The following TDP1 variants were observed in gnomAD, a reference collection of about 807,000 sequenced individuals.
The protein encoded by TDP1 is tyr-DNA phosphodiesterase 1.
TDP1 carries 64 observed loss-of-function variants against 81.5 expected under a neutral mutation model. The ratio of observed to expected loss-of-function variants is 0.79; its 90% CI spans 0.64 to 0.97. The LOEUF (loss-of-function observed/expected upper bound fraction) is 0.97, where lower values mean the gene tolerates loss of function less well. Among genes scored for constraint, TDP1 ranks in the 50% least tolerant of loss-of-function variants. The probability of loss-of-function intolerance (pLI) is 0.00; values close to 1 mark genes in which losing one functional copy is unlikely to be tolerated. For missense variants in TDP1, 723 were observed against 743.8 expected (o/e 0.97, Z 0.33); for synonymous variants, 256 against 264.3 (o/e 0.97, Z 0.30).
intron 8 of TDP1, among the ~76,000 whole-genome samples, chr14:89,982,769 T>G (rs1895131194): frequency 6.6e-6 from 1 of 152,222 alleles, no homozygotes; most frequent in Admixed American, 6.5e-5. Flanking sequence ...CATCCTGGTG[T>G]GGGATCCTAT....
At chr14:90,000,534 G>A (rs567928826) in intron 14 of TDP1, among the ~76,000 whole-genome samples, 99 of 152,128 alleles carry the variant, frequency 6.5e-4, no homozygotes, top group African/African-American at 2.1e-3. Flanking sequence ...ACAGGCATGC[G>A]CCACCAGACC....
intron 11 of TDP1, chr14:89,989,408 G>A (rs1895938682): frequency 1.0e-6 from 1 of 984,760 alleles, no homozygotes; most frequent in Admixed American, 6.1e-5. Context: ...ATGTAGCACA[G>A]CCAGCAGAAT....
chr14:89,988,918 A>G lies in TDP1; in HGVS notation c.1145A>G (p.His382Arg). The G allele has an allele frequency of 6.2e-7, 1 of 1,614,172 alleles. No individual in the cohort carries two copies. Among genetic ancestry groups the G allele is most frequent in the Middle Eastern group, 1.6e-4 (1 of 6,062 alleles). ...HFRLKKLLKD[H>R]ASSMPNAESW... The stretch of plus-strand genomic sequence containing the variant: ...ATTCTTTCCCAGCTTCTGAAAGACC[A>G]TGCCTCATCCATGCCTAACGCAGAG... The change falls in exon 11 of 17, where the codon CAT becomes CGT. Residue 382 changes from histidine (H) to arginine (R), a missense_variant. Coordinates refer to ENST00000335725, the MANE Select transcript of TDP1 (RefSeq NM_018319.4).
At chr14:89,995,255 T>C (rs1374745308) in intron 14 of TDP1, among the ~76,000 whole-genome samples, 1 of 152,196 alleles carries the variant, frequency 6.6e-6, no homozygotes, top group African/African-American at 2.4e-5. Context: ...TGAGCAATCA[T>C]GTGTATTTAC....
chr14:90,031,972 C>T (rs1887332261), intron 15 of TDP1, among the ~76,000 whole-genome samples: 1 of 152,124 alleles, frequency 6.6e-6, no homozygotes, highest in Non-Finnish European at 1.5e-5. Context: ...TTTTATTTTA[C>T]TTTTATAGAT....
chr14:90,042,385 A>G (rs1233628295), intron 16 of TDP1, among the ~76,000 whole-genome samples: 1 of 152,174 alleles, frequency 6.6e-6, no homozygotes, highest in Non-Finnish European at 1.5e-5. Context: ...TGACAGCTCC[A>G]CAACATAGGT....
chr14:89,956,423 G>C (rs1187884553), intron 1 of TDP1, 155 bp from the exon 2 acceptor site: 2 of 152,356 alleles, frequency 1.3e-5, no homozygotes, highest in Admixed American at 6.5e-5. Flanking sequence ...TACACTTGGT[G>C]AGGCGCTTCG....
At position 89,986,383 on chromosome 14, in the gene TDP1, T is replaced by G. The variant is rs1485821037; in HGVS notation, c.1131+1173T>G. Among the ~76,000 whole-genome samples the G allele has an allele frequency of 3.3e-5, 5 of 152,300 alleles. No individual in the cohort carries two copies. The East Asian group carries it at 9.7e-4, about 29-fold the overall frequency. On this transcript the variant is annotated intron_variant, in intron 10 of 16. Coordinates refer to ENST00000335725, the MANE Select transcript of TDP1 (RefSeq NM_018319.4). ...TAATAGTACTTCCCTCCCGTGATTGTGAGGATTAAATGAAATGATGAATGT... is the reference window on the plus strand; with the variant it reads ...TAATAGTACTTCCCTCCCGTGATTGGGAGGATTAAATGAAATGATGAATGT...
chr14:90,022,991 C>T (rs1307641744), intron 15 of TDP1: 2 of 752,456 alleles, frequency 2.7e-6, no homozygotes, highest in Non-Finnish European at 4.9e-6. Flanking sequence ...CCTCCATACT[C>T]ACTTCAGTCC....
intron 3 of TDP1, 181 bp from the exon 4 acceptor site, chr14:89,965,966 C>T (rs1566847262): frequency 2.7e-6 from 2 of 750,400 alleles, no homozygotes; most frequent in Non-Finnish European, 3.2e-6. Flanking sequence ...ATATTAAATA[C>T]CATAGGGAAA....
chr14:89,989,726 T>C lies in TDP1; in HGVS notation c.1327T>C (p.Ser443Pro). 6.2e-7 allele frequency: 1 copy of C among 1,610,712 alleles called. No homozygotes were observed. Among genetic ancestry groups the C allele is most frequent in the Non-Finnish European group, 8.5e-7 (1 of 1,177,030 alleles). The part of the protein sequence containing the change: ...SSVPLYLIYP[S>P]VENVRTSLEG... ...TTCCTCTTATTTTTAGATCTATCCT[T>C]CTGTGGAAAATGTGCGGACCAGTTT... Residue 443 changes from serine to proline, a missense_variant, in exon 12 of 17, where the codon TCT (serine) becomes CCT (proline). By Grantham distance (74) the Ser-to-Pro change is moderately conservative. Transcript: ENST00000335725.
chr14:89,955,074 TA>T (rs775869680), upstream of TDP1: 13 of 186,176 alleles, frequency 7.0e-5, no homozygotes, highest in Non-Finnish European at 1.3e-4. Context: ...GACACTATGC[TA>T]AACGTTATAG....
At chr14:89,983,772 T>C (rs1361252540) in intron 8 of TDP1, among the ~76,000 whole-genome samples, 1 of 152,216 alleles carries the variant, frequency 6.6e-6, no homozygotes, top group Non-Finnish European at 1.5e-5. Context: ...ATGATTGTTT[T>C]CTATTTATGG....
At position 89,985,206 on chromosome 14, in the gene TDP1, A is replaced by G. The variant is rs1170576914; in HGVS notation, c.1127A>G (p.Lys376Arg). ...QKDNWGHFRL[K>R]KLLKDHASSM... ...GATAATTGGGGACATTTTAGACTTA[A>G]GAAGGTAACAGAACTTTTACTATTT... Residue 376 changes from lysine (K) to arginine (R), a missense_variant, in exon 10 of 17, where the codon AAG becomes AGG. Physicochemically the swap from Lys to Arg is conservative, Grantham distance 26 (BLOSUM62 2). Transcript: ENST00000335725. 7 of 1,592,988 alleles carry G rather than the reference A, an allele frequency of 4.4e-6. No individual in the cohort carries two copies. Among genetic ancestry groups the G allele is most frequent in the Non-Finnish European group, 5.2e-6 (6 of 1,163,900 alleles).
intron 9 of TDP1, 136 bp downstream of exon 9, chr14:89,984,819 G>T (rs1259613016): frequency 1.3e-6 from 2 of 1,574,044 alleles, no homozygotes; most frequent in Non-Finnish European, 8.6e-7. Context: ...GAGGGGATGA[G>T]CAGATTCTAT....
intron 14 of TDP1, among the ~76,000 whole-genome samples, chr14:89,994,495 G>A (rs187054107): frequency 6.6e-4 from 100 of 152,314 alleles, no homozygotes; most frequent in African/African-American, 2.3e-3. Context: ...CAGAAATTAC[G>A]TATTATTGAT....
chr14:90,042,224 C>T (rs1393072776), intron 16 of TDP1, among the ~76,000 whole-genome samples: 2 of 152,184 alleles, frequency 1.3e-5, no homozygotes, highest in Non-Finnish European at 2.9e-5. Flanking sequence ...CTCTTGGTTA[C>T]GTGTGACCAG....
intron 2 of TDP1, chr14:89,957,144 TTA>T (rs1239138704): frequency 6.6e-6 from 1 of 152,174 alleles, no homozygotes; most frequent in African/African-American, 2.4e-5. Flanking sequence ...TGGGTCTCAT[TTA>T]TATGTTACTT....
At chr14:89,978,025 C>G (rs762028477) in intron 7 of TDP1, among the ~76,000 whole-genome samples, 6 of 152,188 alleles carry the variant, frequency 3.9e-5, no homozygotes, top group Non-Finnish European at 8.8e-5. Flanking sequence ...ATATCCAGAT[C>G]CAGGTGGTGG....
Sources: allele counts gnomAD v4.1 joint callset (sites outside exome capture counted in the v4.1 genomes callset), GRCh38; gene constraint gnomAD v4.1.1; transcripts MANE v1.5; gene names NCBI Gene and HGNC (gene_info 2026-07-23, HGNC 2026-07-21).